Variants in FRMPD1 observed in about 807,000 individuals in gnomAD.
FRMPD1 encodes the protein FERM and PDZ domain-containing protein 1.
Under a neutral mutation model 117.8 loss-of-function variants are expected in FRMPD1, and 76 were observed. The ratio of observed to expected loss-of-function variants is 0.65; its 90% confidence interval spans 0.54 to 0.78. The LOEUF (loss-of-function observed/expected upper bound fraction) is 0.78, where lower values mean the gene tolerates loss of function less well. Among genes scored for constraint, FRMPD1 ranks in the 30% least tolerant of loss-of-function variants. FRMPD1 has a pLI of 0.00. For missense variants in FRMPD1, 1,786 were observed against 1,964.5 expected (o/e 0.91, Z 1.72); for synonymous variants, 783 against 770.4 (o/e 1.02, Z -0.27).
In FRMPD1 at chr9:37,746,565, C is replaced by T. The variant is rs879075542; in HGVS notation, c.4533C>T (p.Ser1511=). ...TGTGCTTTCAGTTCACAGACTGTAG[C>T]CGCTGCTCCGCCCGGCACAGGGAGG... ...AGLCFQFTDC[S]RCSARHREAA... Residue 1511 remains serine (S), a synonymous_variant, in exon 16 of 16, where the codon AGC becomes AGT. Coordinates refer to ENST00000377765, the MANE Select transcript of FRMPD1 (RefSeq NM_014907.3). The T allele has an allele frequency of 1.2e-6, 2 of 1,613,754 alleles. No individual in the cohort carries two copies. Among genetic ancestry groups the T allele is most frequent in the Admixed American group, 1.7e-5 (1 of 60,034 alleles).
chr9:37,715,337 G>C (rs1823074368), intron 5 of FRMPD1, among the ~76,000 whole-genome samples: 1 of 152,192 alleles, frequency 6.6e-6, no homozygotes, highest in Non-Finnish European at 1.5e-5. Flanking sequence ...AGAAATCAGT[G>C]AAGTTGGGTT....
chr9:37,610,548 A>G, the FRMPD1 span, among the ~76,000 whole-genome samples: 1 of 151,516 alleles, frequency 6.6e-6, no homozygotes, highest in Non-Finnish European at 1.5e-5. Context: ...ATCATATCAT[A>G]TATGTTAGAG....
intron 1 of FRMPD1, among the ~76,000 whole-genome samples, chr9:37,665,588 A>G (rs751802997): frequency 8.5e-5 from 13 of 152,210 alleles, no homozygotes; most frequent in Admixed American, 3.3e-4. Flanking sequence ...TCCATTTGTA[A>G]TTGAGCCCAG....
At chr9:37,644,923 G>A in the FRMPD1 span, among the ~76,000 whole-genome samples, 2 of 151,716 alleles carry the variant, frequency 1.3e-5, no homozygotes, top group East Asian at 3.9e-4. Flanking sequence ...GGGGGCTGTG[G>A]GGAGCACGGT....
At chr9:37,693,519 A>G (rs997435029) in intron 2 of FRMPD1, among the ~76,000 whole-genome samples, 1 of 152,164 alleles carries the variant, frequency 6.6e-6, no homozygotes. Context: ...TCTGATCCTC[A>G]CACACCGAGG....
the FRMPD1 span, among the ~76,000 whole-genome samples, chr9:37,617,356 A>C: frequency 2.0e-5 from 3 of 152,244 alleles, no homozygotes; most frequent in East Asian, 3.8e-4. Flanking sequence ...CATTCAGTAC[A>C]TGCCAGAGCC....
chr9:37,672,059 T>C (rs1256460817), intron 1 of FRMPD1, among the ~76,000 whole-genome samples: 1 of 152,086 alleles, frequency 6.6e-6, no homozygotes, highest in Admixed American at 6.5e-5. Context: ...TGGGGGGAAA[T>C]GGACTGCTAA....
the FRMPD1 span, among the ~76,000 whole-genome samples, chr9:37,607,240 C>G: frequency 6.6e-6 from 1 of 151,990 alleles, no homozygotes; most frequent in Non-Finnish European, 1.5e-5. Context: ...CACTTGAACC[C>G]GAGAGGCGGA....
rs768436248 is a variant in FRMPD1 at position 37,740,638 on chromosome 9, G to A, written c.2110G>A (p.Ala704Thr). The A allele has an allele frequency of 1.5e-5, 24 of 1,613,996 alleles. No homozygotes were observed. In the East Asian group the frequency reaches 3.6e-4, roughly 24 times the overall value. The change falls in exon 15 of 16, where the codon GCT (alanine) becomes ACT (threonine). Residue 704 changes from alanine to threonine, a missense_variant. Physicochemically the swap from Ala to Thr is moderately conservative, Grantham distance 58. Transcript: ENST00000377765. This position sits in a 1 kb window ranked among gnomAD's most constrained non-coding sequence, Gnocchi z 4.2. Reference sequence around the variant, plus strand: ...CCCCAGGCTGTATGAAGGCAGCCACGCTGACTACTACAGCCTGTGTTCCAG... The same window carrying A: ...CCCCAGGCTGTATGAAGGCAGCCACACTGACTACTACAGCCTGTGTTCCAG... ...LDPRLYEGSH[A>T]DYYSLCSSVS...
intron 1 of FRMPD1, among the ~76,000 whole-genome samples, chr9:37,682,516 A>G (rs1821764174): frequency 6.6e-6 from 1 of 152,228 alleles, no homozygotes; most frequent in Admixed American, 6.5e-5. Flanking sequence ...CAGAGGCTTG[A>G]CAACTTGTGC....
chr9:37,640,176 T>C, the FRMPD1 span, among the ~76,000 whole-genome samples: 1 of 152,208 alleles, frequency 6.6e-6, no homozygotes, highest in Non-Finnish European at 1.5e-5. Flanking sequence ...TCAAATGAGA[T>C]ATTGTCTGCA....
chr9:37,709,342 T>C (rs1242837485), intron 4 of FRMPD1, among the ~76,000 whole-genome samples: 1 of 129,438 alleles, frequency 7.7e-6, no homozygotes, highest in Non-Finnish European at 1.6e-5. Flanking sequence ...TTTGGGGTGG[T>C]ATTAATTGTT....
chr9:37,603,929 C>G, the FRMPD1 span, among the ~76,000 whole-genome samples: 21,682 of 152,162 alleles, frequency 0.14, 1,691 homozygotes, highest in African/African-American at 0.2. Flanking sequence ...ATCCGCCCAC[C>G]TCAGCCTCCA....
the FRMPD1 span, chr9:37,636,665 C>T: frequency 1.3e-6 from 2 of 1,486,726 alleles, no homozygotes. Context: ...GGTGCCCCCT[C>T]CTGTCCCACT....
At chr9:37,637,662 C>G in the FRMPD1 span, among the ~76,000 whole-genome samples, 9 of 152,206 alleles carry the variant, frequency 5.9e-5, no homozygotes, top group Admixed American at 5.2e-4. Flanking sequence ...TTAGCATAAG[C>G]ATAGACTAGA....
the FRMPD1 span, among the ~76,000 whole-genome samples, chr9:37,631,762 C>A: frequency 6.6e-6 from 1 of 152,068 alleles, no homozygotes; most frequent in Non-Finnish European, 1.5e-5. Flanking sequence ...TGCCACCACA[C>A]CCAACTAATA....
chr9:37,613,066 G>A, the FRMPD1 span, among the ~76,000 whole-genome samples: 2 of 152,298 alleles, frequency 1.3e-5, no homozygotes, highest in South Asian at 4.1e-4. Flanking sequence ...AAACGTTCAA[G>A]CAAAGGCAAG....
At chr9:37,615,167 C>T in the FRMPD1 span, among the ~76,000 whole-genome samples, 3 of 152,008 alleles carry the variant, frequency 2.0e-5, no homozygotes, top group Admixed American at 2.0e-4. Flanking sequence ...GGTTGGAATG[C>T]AGTGGCGTGA....
intron 7 of FRMPD1, among the ~76,000 whole-genome samples, chr9:37,726,455 T>C (rs984260544): frequency 6.6e-6 from 1 of 152,128 alleles, no homozygotes; most frequent in Non-Finnish European, 1.5e-5. Context: ...CCCAGCAGTT[T>C]AGGAGGCCGA....
Sources: allele counts gnomAD v4.1 joint callset (sites outside exome capture counted in the v4.1 genomes callset), GRCh38; gene constraint gnomAD v4.1.1; non-coding constraint Gnocchi (gnomAD v3.1); transcripts MANE v1.5; gene names NCBI Gene and HGNC (gene_info 2026-07-23, HGNC 2026-07-21).